DAB2IP: variants seen among roughly 807,000 people sequenced by gnomAD.
DAB2IP encodes the protein disabled homolog 2-interacting protein.
A neutral mutation model predicts 107.2 loss-of-function variants in DAB2IP; 28 were observed. The ratio of observed to expected loss-of-function variants is 0.26; its 90% CI spans 0.19 to 0.36. The LOEUF (loss-of-function observed/expected upper bound fraction) is 0.36. Among genes scored for constraint, DAB2IP ranks in the 10% least tolerant of loss-of-function variants. The probability of loss-of-function intolerance (pLI) is 1.00; values close to 1 mark genes in which losing one functional copy is unlikely to be tolerated. For synonymous variants in DAB2IP, 755 were observed against 706.4 expected, an observed-to-expected ratio of 1.07 and a Z score of -1.09; for missense variants, 1,400 against 1,644.7, an observed-to-expected ratio of 0.85 and a Z score of 2.57.
chr9:121,578,714 G>C, intron 1 of DAB2IP, among the ~76,000 whole-genome samples: 1 of 122,940 alleles, frequency 8.1e-6, no homozygotes, highest in African/African-American at 3.1e-5. Flanking sequence ...ATCCTCTCCG[G>C]CCTATGTCTT....
At chr9:121,708,184 C>T (rs1225554225) in intron 3 of DAB2IP, among the ~76,000 whole-genome samples, 3 of 152,200 alleles carry the variant, frequency 2.0e-5, no homozygotes, top group African/African-American at 7.2e-5. Flanking sequence ...GTGCTGTATT[C>T]TTACTGATTT....
Position 121,684,029 on chromosome 9 carries a change from T to C in DAB2IP, c.228+5248T>C, listed in dbSNP as rs887974803. The stretch of plus-strand genomic sequence containing the variant: ...AGTGGATGATGGCTGTGAGTGGAGC[T>C]AGCAGTAGACCTCTGAGCTGTGGAC... On this transcript the variant is annotated intron_variant, in intron 2 of 15. Coordinates refer to ENST00000408936, the Ensembl canonical transcript of DAB2IP. The surrounding 1 kb of genome is among the most constrained non-coding windows in gnomAD (Gnocchi z 4.0). Among the ~76,000 whole-genome samples, 1 of 152,110 alleles carries C rather than the reference T, an allele frequency of 6.6e-6. No individual in the cohort carries two copies. Among genetic ancestry groups the C allele is most frequent in the African/African-American group, 2.4e-5 (1 of 41,390 alleles).
At chr9:121,642,488 CTTTTTTTTTTTT>C (rs59223844) in intron 1 of DAB2IP, among the ~76,000 whole-genome samples, 8 of 131,184 alleles carry the variant, frequency 6.1e-5, no homozygotes, top group African/African-American at 2.6e-4. Flanking sequence ...GCTTTTTTTT[CTTTTTTTTTTTT>C]TTTTTGTAGA....
intron 1 of DAB2IP, among the ~76,000 whole-genome samples, chr9:121,587,812 G>A (rs535506594): frequency 6.6e-6 from 1 of 152,088 alleles, no homozygotes; most frequent in African/African-American, 2.4e-5. Flanking sequence ...TACAGGGAGG[G>A]GGCCAAAAGG....
rs539049910 is a variant in DAB2IP at position 121,737,265 on chromosome 9, G to A, written c.363-19748G>A. On this transcript the variant is annotated intron_variant, in intron 3 of 15. Coordinates refer to ENST00000408936, the Ensembl canonical transcript of DAB2IP. ...TAGTTTGCTTTCAGGAGTGTTTCTC[G>A]TCTTCTTGGACCTGGAGGTTGTGCC... 4.1e-6 allele frequency: 4 copies of A among 985,314 alleles called. No homozygotes were observed. The African/African-American group carries it at 5.2e-5, about 13-fold the overall frequency. The allele number at this position is 985,314 out of a possible 1,614,324, so 61.0% of individuals were successfully genotyped here.
In DAB2IP at chr9:121,701,743, A is replaced by G. The variant is rs891459712; in HGVS notation, c.362+2285A>G. 6.6e-6 allele frequency among the ~76,000 whole-genome samples: 1 copy of G among 152,204 alleles called. No individual in the cohort carries two copies. Among genetic ancestry groups the G allele is most frequent in the Middle Eastern group, 3.4e-3 (1 of 294 alleles). Reference sequence around the variant, plus strand: ...ATCCTATTTGGAGTTCAGTGAGTAAAAACAACTATGGTGACCCCGCCCGCC... The same window carrying G: ...ATCCTATTTGGAGTTCAGTGAGTAAGAACAACTATGGTGACCCCGCCCGCC... On this transcript the variant is annotated intron_variant, in intron 3 of 15. Transcript: ENST00000408936. The surrounding 1 kb of genome is among the most constrained non-coding windows in gnomAD (Gnocchi z 4.7).
At chr9:121,741,527 G>T (rs997256082) in intron 3 of DAB2IP, among the ~76,000 whole-genome samples, 2 of 152,124 alleles carry the variant, frequency 1.3e-5, no homozygotes, top group African/African-American at 2.4e-5. Context: ...GAGACAGGTT[G>T]TTTTCAGGCC....
chr9:121,756,899 G>A (rs1833530433), intron 3 of DAB2IP, 114 bp from the exon 4 acceptor site: 4 of 1,374,328 alleles, frequency 2.9e-6, no homozygotes, highest in Admixed American at 1.8e-5. Context: ...GAGAGAGAGT[G>A]GAGAGGAGTG....
At chr9:121,651,238 G>A (rs1242140471), upstream of DAB2IP, among the ~76,000 whole-genome samples, 2 of 152,246 alleles carry the variant, frequency 1.3e-5, no homozygotes, top group Non-Finnish European at 2.9e-5. The surrounding 1 kb of genome is among the most constrained non-coding windows in gnomAD (Gnocchi z 5.1). Context: ...GGCCTGCGGA[G>A]CAGTGAGGGT....
At chr9:121,584,859 G>T (rs1830278446) in intron 1 of DAB2IP, among the ~76,000 whole-genome samples, 1 of 152,158 alleles carries the variant, frequency 6.6e-6, no homozygotes, top group Non-Finnish European at 1.5e-5. Flanking sequence ...AAATTTCCCA[G>T]CTTTGGACAA....
intron 1 of DAB2IP, among the ~76,000 whole-genome samples, chr9:121,572,603 T>C (rs1381550820): frequency 2.0e-5 from 3 of 151,986 alleles, no homozygotes; most frequent in Non-Finnish European, 4.4e-5. Flanking sequence ...GCTCTCTCGG[T>C]TATTGGGTGG....
upstream of DAB2IP, chr9:121,651,593 G>C (rs1031027322): frequency 1.1e-5 from 11 of 976,980 alleles, no homozygotes; most frequent in Non-Finnish European, 1.2e-5. The surrounding 1 kb of genome is among the most constrained non-coding windows in gnomAD (Gnocchi z 5.1). Flanking sequence ...CCGGCTGCTC[G>C]GGGAGCGGGA....
chr9:121,683,356 G>A (rs923143400), intron 2 of DAB2IP, among the ~76,000 whole-genome samples: 5 of 152,014 alleles, frequency 3.3e-5, no homozygotes, highest in African/African-American at 9.7e-5. Context: ...TCCCTGTTGC[G>A]GGCTGGGTCC....
intron 3 of DAB2IP, among the ~76,000 whole-genome samples, chr9:121,725,359 C>T (rs936126362): frequency 6.6e-6 from 1 of 152,144 alleles, no homozygotes; most frequent in Non-Finnish European, 1.5e-5. Context: ...AGCCAATTGG[C>T]GGGCCCTGGT....
chr9:121,570,107 CTTTTTTTT>C (rs60818537), intron 1 of DAB2IP, among the ~76,000 whole-genome samples: 36 of 101,504 alleles, frequency 3.5e-4, no homozygotes, highest in Middle Eastern at 5.2e-3. Flanking sequence ...TTCTCTTTCT[CTTTTTTTT>C]TTTTTTTTTT....
At chr9:121,681,035 G>A (rs1828574816) in intron 2 of DAB2IP, among the ~76,000 whole-genome samples, 2 of 152,034 alleles carry the variant, frequency 1.3e-5, no homozygotes, top group South Asian at 2.1e-4. Context: ...GAGCCACCAC[G>A]CCCAGCCTAC....
chr9:121,576,721 C>G (rs939005941), intron 1 of DAB2IP, among the ~76,000 whole-genome samples: 2 of 152,118 alleles, frequency 1.3e-5, no homozygotes, highest in African/African-American at 4.8e-5. Flanking sequence ...GGTGTCCACA[C>G]TGACATGGGG....
At chr9:121,585,185 T>C (rs1194980730) in intron 1 of DAB2IP, among the ~76,000 whole-genome samples, 1 of 152,196 alleles carries the variant, frequency 6.6e-6, no homozygotes, top group Non-Finnish European at 1.5e-5. Flanking sequence ...TCTTCCTCAA[T>C]AAAATGCGGC....
intron 1 of DAB2IP, among the ~76,000 whole-genome samples, chr9:121,675,156 C>T (rs1382577742): frequency 6.6e-6 from 1 of 152,086 alleles, no homozygotes; most frequent in Non-Finnish European, 1.5e-5. Context: ...GCAGGGCTGA[C>T]TGATGTGCGG....
Sources: allele counts gnomAD v4.1 joint callset (sites outside exome capture counted in the v4.1 genomes callset), GRCh38; gene constraint gnomAD v4.1.1; non-coding constraint Gnocchi (gnomAD v3.1); transcripts MANE v1.5; gene names NCBI Gene and HGNC (gene_info 2026-07-23, HGNC 2026-07-21).